The following PAPOLG variants were observed in gnomAD, a reference collection of about 807,000 sequenced individuals.
The protein encoded by PAPOLG is PAP-gamma.
In PAPOLG, 40 loss-of-function variants were observed where a neutral mutation model predicts 99.0. The ratio of observed to expected loss-of-function variants is 0.40; its 90% CI spans 0.31 to 0.53. PAPOLG has a LOEUF of 0.53. Among genes scored for constraint, PAPOLG ranks in the 20% least tolerant of loss-of-function variants. The probability of loss-of-function intolerance (pLI) is 0.41; values close to 1 mark genes in which losing one functional copy is unlikely to be tolerated. For missense variants in PAPOLG, 675 were observed against 884.1 expected, an observed-to-expected ratio of 0.76 and a Z score of 3.00; for synonymous variants, 310 against 299.3, an observed-to-expected ratio of 1.04 and a Z score of -0.37.
chr2:60,759,942 A>G (rs1444913510), intron 1 of PAPOLG, among the ~76,000 whole-genome samples, 192 bp from the exon 2 acceptor site: 1 of 152,244 alleles, frequency 6.6e-6, no homozygotes, highest in Non-Finnish European at 1.5e-5. Context: ...TGCAGGCAGT[A>G]TGAATAGCCC....
chr2:60,783,585 A>G (rs1298797813), intron 13 of PAPOLG, among the ~76,000 whole-genome samples: 1 of 135,182 alleles, frequency 7.4e-6, no homozygotes, highest in Non-Finnish European at 1.5e-5. Context: ...ATCTCAGCTC[A>G]CTGCAACCTC....
At position 60,759,619 on chromosome 2, in the gene PAPOLG, A is replaced by C. The variant is rs183725712; in HGVS notation, c.18-515A>C. ...CAGAGGATGTTAACCTCGGTTTCCC[A>C]AGGACAAATCTAATTGTGATTTCTT... On this transcript the variant is annotated intron_variant, in intron 1 of 21. Transcript: ENST00000238714. Among the ~76,000 whole-genome samples the C allele has an allele frequency of 1.5e-3, 235 of 152,342 alleles. 1 individual carries two copies. The highest frequency in any genetic ancestry group is 5.4e-3 in the African/African-American group (225 of 41,566).
intron 7 of PAPOLG, among the ~76,000 whole-genome samples, chr2:60,774,655 A>G (rs955658604): frequency 6.6e-6 from 1 of 152,102 alleles, no homozygotes; most frequent in Non-Finnish European, 1.5e-5. Context: ...CCAATGTTTT[A>G]TAGTGTCTTG....
At chr2:60,758,032 CTCT>C (rs1382676483) in intron 1 of PAPOLG, among the ~76,000 whole-genome samples, 3 of 152,164 alleles carry the variant, frequency 2.0e-5, no homozygotes, top group African/African-American at 7.2e-5. Context: ...GGCTTGTCCT[CTCT>C]TTGACTTTCA....
chr2:60,777,336 A>G (rs911700298), intron 8 of PAPOLG, among the ~76,000 whole-genome samples: 6 of 152,104 alleles, frequency 3.9e-5, no homozygotes, highest in Non-Finnish European at 7.4e-5. Flanking sequence ...CGTGCCTGTA[A>G]TCCCAGCTAC....
In PAPOLG at chr2:60,791,742, C is replaced by T; in HGVS notation, c.1397-19C>T. On this transcript the variant is annotated intron_variant, in intron 15 of 21. Transcript: ENST00000238714. ...GTTCAGAAAGAAGTTTCCCATTTAA[C>T]ATATTAACATTGTTACAGTGTACAG... is the stretch of plus-strand genomic sequence containing the variant. 1 of 1,573,952 alleles carries T rather than the reference C, an allele frequency of 6.4e-7. No homozygotes were observed. The highest frequency in any genetic ancestry group is 8.6e-7 in the Non-Finnish European group (1 of 1,165,804).
chr2:60,791,128 T>TA (rs1671519491), intron 15 of PAPOLG, among the ~76,000 whole-genome samples: 1 of 152,014 alleles, frequency 6.6e-6, no homozygotes, highest in African/African-American at 2.4e-5. Flanking sequence ...GGCAAGTAGT[T>TA]ATGAGGAGAG....
chr2:60,778,051 CTCAAGG>C, intron 8 of PAPOLG, among the ~76,000 whole-genome samples: 1 of 152,338 alleles, frequency 6.6e-6, no homozygotes, highest in African/African-American at 2.4e-5. Context: ...ATTTTCTCAA[CTCAAGG>C]TTGCCGCAAA....
intron 3 of PAPOLG, among the ~76,000 whole-genome samples, chr2:60,768,144 C>T (rs941461997): frequency 1.3e-5 from 2 of 152,092 alleles, no homozygotes; most frequent in Non-Finnish European, 2.9e-5. Context: ...CTCTTGTTCC[C>T]CAGACTGGAG....
Position 60,792,763 on chromosome 2 carries a change from CA to C in PAPOLG, c.1679+475del, listed in dbSNP as rs376279137. ...AATACAAAAATTAATTGGCCGGGCA[CA>C]GTTGCTCACGCCTGTAATCCCAACA... On this transcript the variant is annotated intron_variant, in intron 17 of 21. Transcript: ENST00000238714. Among the ~76,000 whole-genome samples the C allele has an allele frequency of 1.9e-3, 292 of 152,274 alleles. 10 individuals carry two copies. In the South Asian group the frequency reaches 0.055, roughly 29 times the overall value.
intron 8 of PAPOLG, among the ~76,000 whole-genome samples, chr2:60,777,084 T>C (rs1444173570): frequency 6.6e-6 from 1 of 152,160 alleles, no homozygotes; most frequent in Non-Finnish European, 1.5e-5. Context: ...TGAAGAGAAG[T>C]TAGGGCTTTG....
At position 60,792,113 on chromosome 2, in the gene PAPOLG, C is replaced by T. The variant is rs200795597; in HGVS notation, c.1519-16C>T. Reference sequence around the variant, plus strand: ...CATTTGCATTTTGAAATCCTAAAATCGTTCCCTTCTTTCAGCAAAGTCTCT... The same window carrying T: ...CATTTGCATTTTGAAATCCTAAAATTGTTCCCTTCTTTCAGCAAAGTCTCT... On this transcript the variant is annotated splice_polypyrimidine_tract_variant and intron_variant, in intron 16 of 21. Coordinates refer to ENST00000238714, the MANE Select transcript of PAPOLG (RefSeq NM_022894.4). The T allele has an allele frequency of 2.1e-4, 323 of 1,566,770 alleles. No individual in the cohort carries two copies. The highest frequency in any genetic ancestry group is 2.6e-4 in the Non-Finnish European group (303 of 1,162,068).
chr2:60,756,733 A>G (rs1573210690), intron 1 of PAPOLG, among the ~76,000 whole-genome samples: 1 of 152,012 alleles, frequency 6.6e-6, no homozygotes, highest in East Asian at 1.9e-4. Flanking sequence ...GCCTCCGAGG[A>G]CGCCCTCAGA....
chr2:60,791,678 A>G (rs757656328), intron 15 of PAPOLG, 83 bp from the exon 16 acceptor site: 269 of 1,500,970 alleles, frequency 1.8e-4, no homozygotes, highest in Non-Finnish European at 2.3e-4. Context: ...GGAGATAGTA[A>G]AAGTATATGC....
Position 60,756,415 on chromosome 2 carries a change from G to C in PAPOLG, c.-64G>C. ...CGGAGGAAAGTGAACAGGGGGAGAA[G>C]GGAACAGCAAGAACAGGACTCCAGA... On this transcript the variant is annotated 5_prime_UTR_variant, in exon 1 of 22. Transcript: ENST00000238714. 1 of 1,611,362 alleles carries C rather than the reference G, an allele frequency of 6.2e-7. No homozygotes were observed. The highest frequency in any genetic ancestry group is 8.5e-7 in the Non-Finnish European group (1 of 1,177,666).
intron 15 of PAPOLG, among the ~76,000 whole-genome samples, chr2:60,790,571 A>G (rs1186158892): frequency 6.6e-6 from 1 of 152,214 alleles, no homozygotes; most frequent in Non-Finnish European, 1.5e-5. Context: ...ATTTTCTTAT[A>G]AGGCGTGAAA....
At chr2:60,794,882 C>G (rs1243481497) in intron 20 of PAPOLG, 82 bp from the exon 21 acceptor site, 2 of 1,574,124 alleles carry the variant, frequency 1.3e-6, no homozygotes, top group Admixed American at 1.8e-5. Context: ...TTCAGGTTTT[C>G]GTTAGGTTTT....
intron 3 of PAPOLG, among the ~76,000 whole-genome samples, chr2:60,763,403 T>A (rs966285211): frequency 1.3e-5 from 2 of 152,126 alleles, no homozygotes; most frequent in African/African-American, 2.4e-5. Context: ...TGATTTTTTA[T>A]GGCTTTTTCC....
Position 60,794,721 on chromosome 2 carries a change from T to A in PAPOLG, c.2001T>A (p.Leu667=), listed in dbSNP as rs777356342. The change falls in exon 20 of 22, where the codon CTT becomes CTA. Residue 667 remains leucine, a synonymous_variant. Transcript: ENST00000238714. ...RLKDVEKFIR[L]ESTFKDPRTA... is the part of the protein sequence containing the mutation. ...TGTTTATATTTTAGTTTATTCGACT[T>A]GAATCAACATTTAAGGACCCCCGCA... 3.4e-5 allele frequency: 55 copies of A among 1,611,222 alleles called. No homozygotes were observed. Among genetic ancestry groups the A allele is most frequent in the Non-Finnish European group, 4.7e-5 (55 of 1,177,706 alleles).
Sources: gnomAD v4.1 joint callset for allele counts (sites outside exome capture counted in the v4.1 genomes callset) on GRCh38, gnomAD v4.1.1 for gene constraint, MANE v1.5 for transcripts, NCBI Gene and HGNC (gene_info 2026-07-23, HGNC 2026-07-21) for gene names.